The following ADGRB3 variants were observed in gnomAD, a reference collection of about 807,000 sequenced individuals.
ADGRB3 encodes adhesion G protein-coupled receptor B3.
In ADGRB3, 37 loss-of-function variants were observed where a neutral mutation model predicts 193.4. The ratio of observed to expected loss-of-function variants is 0.19; its 90% CI spans 0.15 to 0.25. The LOEUF is 0.25. Among genes scored for constraint, ADGRB3 ranks in the 10% least tolerant of loss-of-function variants. The probability of loss-of-function intolerance (pLI) is 1.00; values close to 1 mark genes in which losing one functional copy is unlikely to be tolerated. For missense variants in ADGRB3, 1,637 were observed against 1,852.9 expected (o/e 0.88, Z 2.14); for synonymous variants, 690 against 644.2 (o/e 1.07, Z -1.08).
intron 17 of ADGRB3, among the ~76,000 whole-genome samples, chr6:69,222,868 T>G (rs1452621721): frequency 1.3e-5 from 2 of 152,184 alleles, no homozygotes; most frequent in Admixed American, 1.3e-4. Context: ...GATATTGGGA[T>G]TGTTGCAAAA....
At position 69,109,386 on chromosome 6, in the gene ADGRB3, C is replaced by G. The variant is rs1023439652; in HGVS notation, c.2480+33348C>G. On this transcript the variant is annotated intron_variant, in intron 17 of 31. Transcript: ENST00000370598. ...AATATTATTTACCCTCCCTATCTCTCCCAGTCTTCCATGTCCTTTGTCCCT... is the reference window on the plus strand; with the variant it reads ...AATATTATTTACCCTCCCTATCTCTGCCAGTCTTCCATGTCCTTTGTCCCT... 5.3e-5 allele frequency among the ~76,000 whole-genome samples: 8 copies of G among 152,254 alleles called. No homozygotes were observed. In the East Asian group the frequency reaches 1.5e-3, roughly 29 times the overall value.
At chr6:68,878,835 A>G (rs1167572150) in intron 3 of ADGRB3, among the ~76,000 whole-genome samples, 1 of 152,174 alleles carries the variant, frequency 6.6e-6, no homozygotes, top group Non-Finnish European at 1.5e-5. Context: ...ATCATGATGG[A>G]AGGCAAAGAG....
chr6:69,207,981 A>G (rs1765574138), intron 17 of ADGRB3, among the ~76,000 whole-genome samples: 1 of 152,250 alleles, frequency 6.6e-6, no homozygotes, highest in Admixed American at 6.5e-5. Context: ...GCCACCAGGT[A>G]GTTGGCTGAT....
intron 17 of ADGRB3, among the ~76,000 whole-genome samples, chr6:69,110,803 G>A (rs547018213): frequency 1.3e-5 from 2 of 152,082 alleles, no homozygotes; most frequent in African/African-American, 2.4e-5. Flanking sequence ...ACCTTCTTAA[G>A]GTTGATATTT....
rs947163267 is a variant in ADGRB3 at position 68,927,961 on chromosome 6, G to A, written c.758-2598G>A. ...ATAAACTATTGAAGAATTTCTTATC[G>A]CAAATATTGTGACATGATAAACTAT... On this transcript the variant is annotated intron_variant, in intron 3 of 31. Coordinates refer to ENST00000370598, the MANE Select transcript of ADGRB3 (RefSeq NM_001704.3). 1.8e-4 allele frequency among the ~76,000 whole-genome samples: 28 copies of A among 151,872 alleles called. 1 individual carries two copies. Among genetic ancestry groups the A allele is most frequent in the Admixed American group, 7.9e-4 (12 of 15,242 alleles).
chr6:69,084,407 T>C (rs1284614081), intron 17 of ADGRB3, among the ~76,000 whole-genome samples: 1 of 152,216 alleles, frequency 6.6e-6, no homozygotes, highest in African/African-American at 2.4e-5. Context: ...CTCTCTGATA[T>C]TAATTTTCTA....
intron 11 of ADGRB3, among the ~76,000 whole-genome samples, chr6:68,999,214 G>C (rs145845963): frequency 6.6e-6 from 1 of 151,064 alleles, no homozygotes; most frequent in Non-Finnish European, 1.5e-5. Context: ...CCTTTGGACT[G>C]TCATAACTCC....
intron 3 of ADGRB3, among the ~76,000 whole-genome samples, chr6:68,685,247 G>T (rs1764961573): frequency 6.6e-6 from 1 of 152,140 alleles, no homozygotes; most frequent in East Asian, 1.9e-4. Context: ...GATTTTCAGG[G>T]TGCCAAAGAT....
At chr6:68,721,712 C>G (rs1765586235) in intron 3 of ADGRB3, among the ~76,000 whole-genome samples, 6 of 148,636 alleles carry the variant, frequency 4.0e-5, no homozygotes. Flanking sequence ...ATAAAGCGCT[C>G]TGGTCTCCCC....
chr6:69,262,419 A>ATTAG (rs1294843478), intron 20 of ADGRB3, among the ~76,000 whole-genome samples: 1 of 151,934 alleles, frequency 6.6e-6, no homozygotes, highest in Non-Finnish European at 1.5e-5. Context: ...CTTTGCTCTT[A>ATTAG]TTAGTAACAA....
At chr6:69,183,133 A>C (rs959950772) in intron 17 of ADGRB3, among the ~76,000 whole-genome samples, 1 of 152,018 alleles carries the variant, frequency 6.6e-6, no homozygotes, top group Non-Finnish European at 1.5e-5. Context: ...ACATTATTTA[A>C]TTTTTACATT....
At position 68,956,719 on chromosome 6, in the gene ADGRB3, A is replaced by C. The variant is rs1255428600; in HGVS notation, c.1435A>C (p.Ile479Leu). The C allele has an allele frequency of 1.9e-6, 3 of 1,613,998 alleles. No individual in the cohort carries two copies. Among genetic ancestry groups the C allele is most frequent in the African/African-American group, 1.3e-5 (1 of 74,922 alleles). ...KSCDGGWERR[I>L]RTCQGAVITG... ...CTGTGATGGCGGCTGGGAAAGGCGA[A>C]TAAGGACCTGTCAGGGTGCAGTGAT... Residue 479 changes from isoleucine to leucine, a missense_variant, in exon 8 of 32, where the codon ATA (isoleucine) becomes CTA (leucine). Transcript: ENST00000370598.
intron 17 of ADGRB3, among the ~76,000 whole-genome samples, chr6:69,127,707 C>A (rs1773891062): frequency 6.6e-6 from 1 of 152,054 alleles, no homozygotes; most frequent in African/African-American, 2.4e-5. Flanking sequence ...CAGGTTTATT[C>A]CAAAATATAC....
intron 8 of ADGRB3, among the ~76,000 whole-genome samples, chr6:68,966,876 A>T (rs1250756090): frequency 2.6e-5 from 4 of 152,236 alleles, no homozygotes; most frequent in African/African-American, 9.6e-5. Flanking sequence ...ACCTAGAAAG[A>T]TCCCACTACT....
intron 13 of ADGRB3, among the ~76,000 whole-genome samples, chr6:69,047,935 T>A (rs904644164): frequency 6.6e-6 from 1 of 152,102 alleles, no homozygotes; most frequent in African/African-American, 2.4e-5. Context: ...TCTCAGAATA[T>A]CCACTCCATT....
At chr6:69,215,539 C>T (rs528146996) in intron 17 of ADGRB3, among the ~76,000 whole-genome samples, 1 of 151,328 alleles carries the variant, frequency 6.6e-6, no homozygotes, top group Admixed American at 6.6e-5. Flanking sequence ...TATGAAATAT[C>T]CATTGCTTTC....
At chr6:69,205,637 G>A (rs887777038) in intron 17 of ADGRB3, among the ~76,000 whole-genome samples, 8 of 152,110 alleles carry the variant, frequency 5.3e-5, no homozygotes, top group Admixed American at 2.6e-4. Flanking sequence ...GTGGGAGGCA[G>A]AAGCTATTGT....
intron 3 of ADGRB3, among the ~76,000 whole-genome samples, chr6:68,779,230 ATGTGTG>A (rs4038665): frequency 1.7e-3 from 243 of 144,602 alleles, no homozygotes; most frequent in Middle Eastern, 3.5e-3. Flanking sequence ...TGTATATATT[ATGTGTG>A]TGTGTGTGTG....
chr6:69,290,452 TGA>T (rs57690559), intron 20 of ADGRB3, among the ~76,000 whole-genome samples: 54 of 147,496 alleles, frequency 3.7e-4, no homozygotes, highest in Non-Finnish European at 3.8e-4. Flanking sequence ...AAATTGAGAC[TGA>T]GAGAGAGAGA....
Sources: allele counts gnomAD v4.1 joint callset (sites outside exome capture counted in the v4.1 genomes callset), GRCh38; gene constraint gnomAD v4.1.1; transcripts MANE v1.5; gene names NCBI Gene and HGNC (gene_info 2026-07-23, HGNC 2026-07-21).